Variants in LIN37 observed in about 807,000 individuals in gnomAD.
LIN37 encodes the protein protein lin-37 homolog.
Under a neutral mutation model 38.0 loss-of-function variants are expected in LIN37, and 21 were observed. The ratio of observed to expected loss-of-function variants is 0.55; its 90% CI spans 0.39 to 0.80. The LOEUF is 0.80. Among genes scored for constraint, LIN37 ranks in the 30% least tolerant of loss-of-function variants. The pLI is 0.00. For synonymous variants in LIN37, 126 were observed against 122.9 expected, an observed-to-expected ratio of 1.03 and a Z score of -0.17; for missense variants, 273 against 338.5, an observed-to-expected ratio of 0.81 and a Z score of 1.52.
At chr19:35,752,278 G>C (rs375974881) in intron 2 of LIN37, 27 bp downstream of exon 2, 8 of 1,592,744 alleles carry the variant, frequency 5.0e-6, no homozygotes, top group Non-Finnish European at 6.8e-6. Context: ...TCACAGGGCC[G>C]GGCACCCTGG....
rs761191180 is a variant in LIN37, at chr19:35,752,569, C to T, written c.161+85C>T. On this transcript the variant is annotated intron_variant, in intron 3 of 8. Coordinates refer to ENST00000301159, the MANE Select transcript of LIN37 (RefSeq NM_019104.3). ...TCCAAGCCCTGACCGCTCAGCCCAG[C>T]GCTACCTCCATCGTGGCCCGGACCA... 3.4e-4 allele frequency: 487 copies of T among 1,443,354 alleles called. 2 individuals are homozygous for T. Among genetic ancestry groups the T allele is most frequent in the South Asian group, 3.0e-3 (255 of 85,074 alleles). The allele number at this position is 1,443,354 out of a possible 1,614,324, so 89.4% of individuals were successfully genotyped here.
chr19:35,748,626 C>T lies in LIN37; in HGVS notation c.-99C>T, dbSNP rs1374195268. ...GGCGGAGGACCCGTGGCCCACGAAGCTCATCTTTGAACTGTCCCCGCCTTC... is the reference window on the plus strand; with the variant it reads ...GGCGGAGGACCCGTGGCCCACGAAGTTCATCTTTGAACTGTCCCCGCCTTC... On this transcript the variant is annotated 5_prime_UTR_variant, in exon 1 of 9. Coordinates refer to ENST00000301159, the MANE Select transcript of LIN37 (RefSeq NM_019104.3). 1.9e-6 allele frequency: 3 copies of T among 1,539,242 alleles called. No homozygotes were observed. Among genetic ancestry groups the T allele is most frequent in the East Asian group, 2.3e-5 (1 of 44,402 alleles).
chr19:35,753,886 C>T, intron 6 of LIN37, 131 bp from the exon 7 acceptor site: 2 of 1,031,802 alleles, frequency 1.9e-6, no homozygotes, highest in Non-Finnish European at 2.9e-6. Flanking sequence ...TTCATACATG[C>T]CTCCTGTCTG....
rs1970689106 is a variant in LIN37 at position 35,752,270 on chromosome 19, A to G, written c.110+19A>G. 3 of 1,599,350 alleles carry G rather than the reference A, an allele frequency of 1.9e-6. No individual in the cohort carries two copies. The highest frequency in any genetic ancestry group is 1.3e-5 in the African/African-American group (1 of 74,564). On this transcript the variant is annotated intron_variant, in intron 2 of 8. Transcript: ENST00000301159. Reference sequence around the variant, plus strand: ...TGGACAGGTAGGCCAGCGTGGGGTCACAGGGCCGGGCACCCTGGTGGGTTG... The same window carrying G: ...TGGACAGGTAGGCCAGCGTGGGGTCGCAGGGCCGGGCACCCTGGTGGGTTG...
intron 1 of LIN37, among the ~76,000 whole-genome samples, chr19:35,749,907 C>CT (rs1330052159): frequency 6.6e-6 from 1 of 152,004 alleles, no homozygotes; most frequent in East Asian, 1.9e-4. Flanking sequence ...GAGTGCCAGG[C>CT]TGAGGAGTGC....
intron 6 of LIN37, chr19:35,753,741 A>G (rs1970712939): frequency 3.6e-6 from 2 of 562,346 alleles, no homozygotes; most frequent in Non-Finnish European, 6.4e-6. Flanking sequence ...GACCCCCTAG[A>G]CAGGATTCCC....
At chr19:35,751,940 A>G (rs1385591643) in intron 1 of LIN37, 2 of 396,258 alleles carry the variant, frequency 5.0e-6, no homozygotes, top group Non-Finnish European at 9.2e-6. Context: ...AAGGCTCATA[A>G]GGTAAGGTGA....
At chr19:35,748,848 T>A in intron 1 of LIN37, 90 bp downstream of exon 1, 2 of 1,607,026 alleles carry the variant, frequency 1.2e-6, no homozygotes, top group Non-Finnish European at 1.7e-6. Flanking sequence ...GAAAGGGGAC[T>A]GCACGACTTT....
Position 35,754,466 on chromosome 19 carries a change from C to G in LIN37, c.733C>G (p.Arg245Gly). The G allele has an allele frequency of 6.2e-7, 1 of 1,613,948 alleles. No homozygotes were observed. The highest frequency in any genetic ancestry group is 8.5e-7 in the Non-Finnish European group (1 of 1,179,846). ...SMKILREMYE[R>G]Q ...GAAGATCCTACGAGAGATGTACGAA[C>G]GACAGTGATGTTCCCAGGTCCCCCC... Residue 245 changes from arginine (R) to glycine (G), a missense_variant, in exon 9 of 9, where the codon CGA (arginine) becomes GGA (glycine). Coordinates refer to ENST00000301159, the MANE Select transcript of LIN37 (RefSeq NM_019104.3).
intron 1 of LIN37, among the ~76,000 whole-genome samples, chr19:35,750,634 GA>G (rs922716847): frequency 2.1e-4 from 32 of 151,816 alleles, no homozygotes; most frequent in Non-Finnish European, 3.4e-4. Flanking sequence ...TCCCGAGGGG[GA>G]AAAAAAAGCC....
chr19:35,753,503 C>T (rs995035380), intron 6 of LIN37: 3 of 592,116 alleles, frequency 5.1e-6, no homozygotes, highest in Admixed American at 5.6e-5. Flanking sequence ...TAGATGTGGA[C>T]CTCCAAGATC....
At chr19:35,750,033 G>A (rs1044533426) in intron 1 of LIN37, among the ~76,000 whole-genome samples, 2 of 152,026 alleles carry the variant, frequency 1.3e-5, no homozygotes, top group Non-Finnish European at 2.9e-5. Flanking sequence ...GGGTGTATCA[G>A]AAGGGGGACA....
chr19:35,752,268 T>A lies in LIN37; in HGVS notation c.110+17T>A. ...CATGGACAGGTAGGCCAGCGTGGGGTCACAGGGCCGGGCACCCTGGTGGGT... is the reference window on the plus strand; with the variant it reads ...CATGGACAGGTAGGCCAGCGTGGGGACACAGGGCCGGGCACCCTGGTGGGT... On this transcript the variant is annotated intron_variant, in intron 2 of 8. Coordinates refer to ENST00000301159, the MANE Select transcript of LIN37 (RefSeq NM_019104.3). 3 of 1,600,296 alleles carry A rather than the reference T, an allele frequency of 1.9e-6. No homozygotes were observed. Among genetic ancestry groups the A allele is most frequent in the Non-Finnish European group, 2.6e-6 (3 of 1,173,128 alleles).
chr19:35,752,742 G>C (rs1568402351), intron 3 of LIN37, 62 bp from the exon 4 acceptor site: 4 of 1,580,432 alleles, frequency 2.5e-6, no homozygotes, highest in Non-Finnish European at 2.6e-6. Context: ...AGTATCCCCA[G>C]GGTGCCCTCT....
chr19:35,750,686 G>T (rs1970669558), intron 1 of LIN37, among the ~76,000 whole-genome samples: 1 of 108,136 alleles, frequency 9.2e-6, no homozygotes, highest in Non-Finnish European at 1.9e-5. Flanking sequence ...ATTTTGGCTG[G>T]GTGCGGTGGC....
chr19:35,748,590 A>G lies in LIN37; in HGVS notation c.-135A>G, dbSNP rs934574956. The G allele has an allele frequency of 5.7e-6, 7 of 1,231,552 alleles. No individual in the cohort carries two copies. The African/African-American group carries it at 8.9e-5, about 16-fold the overall frequency. 76.3% of individuals were successfully genotyped at this position (1,231,552 alleles called of 1,614,324 possible). On this transcript the variant is annotated 5_prime_UTR_variant, in exon 1 of 9. Transcript: ENST00000301159. ...GGGTGGTGGCCACGGTCCAGGCTGGACACAACCAAAGGCGGAGGACCCGTG... is the reference window on the plus strand; with the variant it reads ...GGGTGGTGGCCACGGTCCAGGCTGGGCACAACCAAAGGCGGAGGACCCGTG...
intron 6 of LIN37, chr19:35,753,658 G>C (rs952628089): frequency 3.2e-5 from 16 of 493,200 alleles, no homozygotes; most frequent in African/African-American, 2.5e-4. Flanking sequence ...GGGTCCCCAG[G>C]ACAGACATAT....
At chr19:35,749,039 C>A in intron 1 of LIN37, 1 of 1,138,878 alleles carries the variant, frequency 8.8e-7, no homozygotes, top group South Asian at 2.4e-5. Context: ...CTTTTCTTTC[C>A]TCTTTTTTTT....
intron 1 of LIN37, 47 bp downstream of exon 1, chr19:35,748,805 G>T: frequency 6.2e-7 from 1 of 1,613,462 alleles, no homozygotes; most frequent in Non-Finnish European, 8.5e-7. Context: ...CGGGTTGACA[G>T]GGTGTGGAGT....
Sources: gnomAD v4.1 joint callset for allele counts (sites outside exome capture counted in the v4.1 genomes callset) on GRCh38, gnomAD v4.1.1 for gene constraint, MANE v1.5 for transcripts, NCBI Gene and HGNC (gene_info 2026-07-23, HGNC 2026-07-21) for gene names.